NDP: variants seen among roughly 807,000 people sequenced by gnomAD.
NDP encodes the protein norrin cystine knot growth factor NDP, also known as norrin.
In NDP, 2 loss-of-function variants were observed where a neutral mutation model predicts 8.4. The observed-to-expected ratio is 0.24, with a 90% CI of 0.10 to 0.75. The LOEUF is 0.75. Ranked by LOEUF, NDP falls within the 30% of genes least tolerant of loss-of-function variation. The pLI, the probability that NDP is intolerant of heterozygous loss-of-function variation, is 0.73. For synonymous variants in NDP, 55 were observed against 45.6 expected, an observed-to-expected ratio of 1.21 and a Z score of -0.83; for missense variants, 81 against 110.1, an observed-to-expected ratio of 0.74 and a Z score of 1.18.
chrX:43,950,458 C>CAAAAAAAAAAAAAAAAAAAAAAAAA (rs11292831), intron 2 of NDP, among the ~76,000 whole-genome samples: 4 of 59,297 alleles, frequency 6.7e-5, no homozygotes, highest in Admixed American at 4.2e-4. Flanking sequence ...AAATGACTAC[C>CAAAAAAAAAAAAAAAAAAAAAAAAA]AAAAAAAAAA....
chrX:43,970,517 T>G (rs772160169), intron 1 of NDP, among the ~76,000 whole-genome samples: 42 of 106,682 alleles, frequency 3.9e-4, no homozygotes, highest in Non-Finnish European at 6.6e-4. Context: ...GTTTTCAGGG[T>G]TTTTTTTTTC....
At chrX:43,972,455 C>T (rs2035895916) in intron 1 of NDP, among the ~76,000 whole-genome samples, 2 of 111,266 alleles carry the variant, frequency 1.8e-5, no homozygotes, top group African/African-American at 6.5e-5. Context: ...AAAGAAACCT[C>T]GGAATATCCC....
At chrX:43,965,445 C>A (rs1189652801) in intron 1 of NDP, among the ~76,000 whole-genome samples, 1 of 110,184 alleles carries the variant, frequency 9.1e-6, no homozygotes, top group Non-Finnish European at 1.9e-5. Flanking sequence ...ACAGTAATAT[C>A]AATAATAATA....
At chrX:43,950,380 A>G (rs1285126659) in intron 2 of NDP, among the ~76,000 whole-genome samples, 4 of 108,054 alleles carry the variant, frequency 3.7e-5, no homozygotes, top group Admixed American at 9.9e-5. Context: ...CACTGGCCCA[A>G]TGCATTGCAA....
At chrX:43,968,758 T>A (rs2035873118) in intron 1 of NDP, among the ~76,000 whole-genome samples, 1 of 112,572 alleles carries the variant, frequency 8.9e-6, no homozygotes, top group African/African-American at 3.2e-5. Flanking sequence ...GGGACTTGTA[T>A]GGAATAATTC....
At chrX:43,959,372 C>T (rs1352957573) in intron 1 of NDP, among the ~76,000 whole-genome samples, 4 of 111,798 alleles carry the variant, frequency 3.6e-5, no homozygotes, top group Admixed American at 2.8e-4. Flanking sequence ...TAATTTTCCA[C>T]TTCTGTGCTC....
chrX:43,967,733 T>G (rs1405983257), intron 1 of NDP, among the ~76,000 whole-genome samples: 1 of 111,536 alleles, frequency 9.0e-6, no homozygotes, highest in Admixed American at 9.5e-5. Context: ...GACTCCACGT[T>G]TAGGGCTGTT....
rs1394581501 is a variant in NDP, at chrX:43,948,824, T to A, written c.*975A>T. Reference sequence around the variant, plus strand: ...CAAAACGTGGGAATAACTCAAAATTTGAGCCTCCAGGACCAAAACACATTT... The same window carrying A: ...CAAAACGTGGGAATAACTCAAAATTAGAGCCTCCAGGACCAAAACACATTT... On this transcript the variant is annotated 3_prime_UTR_variant, in exon 3 of 3. Coordinates refer to ENST00000642620, the MANE Select transcript of NDP (RefSeq NM_000266.4). 2.7e-5 allele frequency: 3 copies of A among 111,966 alleles called. No homozygotes were observed. The highest frequency in any genetic ancestry group is 5.6e-5 in the Non-Finnish European group (3 of 53,245). 9.2% of individuals were successfully genotyped at this position (111,966 alleles called of 1,213,427 possible). A position where few individuals can be genotyped will look rare whatever the true frequency, so the allele number is the denominator to read the frequency against.
intron 1 of NDP, among the ~76,000 whole-genome samples, chrX:43,972,802 AC>A (rs1453510593): frequency 8.9e-6 from 1 of 112,516 alleles, no homozygotes; most frequent in Non-Finnish European, 1.9e-5. Context: ...CATTCTGAGC[AC>A]TCCGGCAGAG....
intron 2 of NDP, among the ~76,000 whole-genome samples, chrX:43,956,523 G>T (rs1372248324): frequency 8.9e-6 from 1 of 111,844 alleles, no homozygotes; most frequent in Admixed American, 9.5e-5. Flanking sequence ...ATCAGCCCGA[G>T]AATGTAAGAG....
At chrX:43,954,687 A>T (rs1245546130) in intron 2 of NDP, 2 of 111,341 alleles carry the variant, frequency 1.8e-5, no homozygotes, top group African/African-American at 6.6e-5. Context: ...TAGCAGTAGA[A>T]GATGGCTTGG....
At chrX:43,959,876 T>C (rs2035816865) in intron 1 of NDP, among the ~76,000 whole-genome samples, 2 of 112,715 alleles carry the variant, frequency 1.8e-5, no homozygotes, top group African/African-American at 3.2e-5. Flanking sequence ...GTATTTCAGA[T>C]AAAAGTTTGA....
chrX:43,971,612 T>A (rs1292299267), intron 1 of NDP, among the ~76,000 whole-genome samples: 1 of 111,763 alleles, frequency 8.9e-6, no homozygotes, highest in East Asian at 2.8e-4. Context: ...TGTGTTCAAA[T>A]ACTCTCATGT....
At chrX:43,971,007 C>A (rs4440760) in intron 1 of NDP, among the ~76,000 whole-genome samples, 32 of 111,999 alleles carry the variant, frequency 2.9e-4, no homozygotes, top group Non-Finnish European at 3.8e-4. Context: ...GGAAAGAAAA[C>A]CCACTGATGA....
chrX:43,963,851 G>T (rs111818885), intron 1 of NDP, among the ~76,000 whole-genome samples: 6,589 of 112,454 alleles, frequency 0.059, 456 homozygotes, highest in African/African-American at 0.2. Flanking sequence ...TTCAATGAAT[G>T]GTTTTTAATA....
intron 1 of NDP, among the ~76,000 whole-genome samples, chrX:43,970,924 G>T (rs1017986556): frequency 6.3e-5 from 7 of 111,884 alleles, no homozygotes; most frequent in African/African-American, 2.3e-4. Context: ...AGATCTAGCC[G>T]TGTTAGCTGT....
chrX:43,963,001 G>A (rs1177614660), intron 1 of NDP, among the ~76,000 whole-genome samples: 1 of 112,154 alleles, frequency 8.9e-6, no homozygotes, highest in Non-Finnish European at 1.9e-5. Context: ...GGCTGGCAGA[G>A]GGTAAAGTGC....
At chrX:43,960,362 C>G (rs1192047693) in intron 1 of NDP, among the ~76,000 whole-genome samples, 1 of 111,706 alleles carries the variant, frequency 9.0e-6, no homozygotes, top group East Asian at 2.8e-4. Context: ...AAAATGCCAC[C>G]ACTTGATAAC....
chrX:43,960,551 T>C (rs1166673058), intron 1 of NDP, among the ~76,000 whole-genome samples: 2 of 112,337 alleles, frequency 1.8e-5, no homozygotes, highest in African/African-American at 3.2e-5. Flanking sequence ...GCATGTTTGT[T>C]TTCTTTTCAT....
Sources: gnomAD v4.1 joint callset for allele counts (sites outside exome capture counted in the v4.1 genomes callset) on GRCh38, gnomAD v4.1.1 for gene constraint, MANE v1.5 for transcripts, NCBI Gene and HGNC (gene_info 2026-07-23, HGNC 2026-07-21) for gene names.